Variants in SPIDR observed in about 807,000 individuals in gnomAD.
SPIDR encodes the protein scaffold protein involved in DNA repair.
Under a neutral mutation model 104.6 loss-of-function variants are expected in SPIDR, and 93 were observed. The observed-to-expected ratio is 0.89, with a 90% CI of 0.75 to 1.06. The LOEUF (loss-of-function observed/expected upper bound fraction) is 1.06, where lower values mean the gene tolerates loss of function less well. Among genes scored for constraint, SPIDR ranks in the 50% least tolerant of loss-of-function variants. The probability of loss-of-function intolerance (pLI) is 0.00; values close to 1 mark genes in which losing one functional copy is unlikely to be tolerated. For missense variants in SPIDR, 1,154 were observed against 1,111.2 expected, an observed-to-expected ratio of 1.04 and a Z score of -0.55; for synonymous variants, 431 against 416.9, an observed-to-expected ratio of 1.03 and a Z score of -0.41.
chr8:47,651,502 G>A (rs2071622527), intron 10 of SPIDR, among the ~76,000 whole-genome samples: 2 of 152,178 alleles, frequency 1.3e-5, no homozygotes, highest in South Asian at 2.1e-4. Context: ...GTACTGGTGG[G>A]AATGTAAATT....
At chr8:47,467,913 A>G (rs555962060) in intron 8 of SPIDR, among the ~76,000 whole-genome samples, 6 of 152,350 alleles carry the variant, frequency 3.9e-5, no homozygotes, top group East Asian at 1.9e-4. Context: ...GAGGAAATCA[A>G]ATTATTCCTG....
chr8:47,731,927 T>C (rs148679604), intron 19 of SPIDR, among the ~76,000 whole-genome samples: 1,734 of 152,330 alleles, frequency 0.011, 45 homozygotes, highest in African/African-American at 0.039. Flanking sequence ...TGAGAACGCA[T>C]GATAAAACGA....
chr8:47,731,756 G>A (rs1016087821), intron 19 of SPIDR, among the ~76,000 whole-genome samples: 2 of 152,198 alleles, frequency 1.3e-5, no homozygotes, highest in Non-Finnish European at 2.9e-5. Flanking sequence ...AGTCCTGGGG[G>A]TAGGGAGGAA....
intron 8 of SPIDR, among the ~76,000 whole-genome samples, chr8:47,576,216 A>G (rs577043872): frequency 1.3e-4 from 19 of 151,516 alleles, no homozygotes; most frequent in Admixed American, 3.3e-4. Flanking sequence ...CAATGGCACA[A>G]TTTCAGCTCA....
intron 8 of SPIDR, among the ~76,000 whole-genome samples, chr8:47,453,529 A>G (rs562221712): frequency 7.2e-5 from 11 of 152,328 alleles, no homozygotes; most frequent in African/African-American, 1.2e-4. Context: ...ATACAGACCA[A>G]TGGAACAGAA....
intron 8 of SPIDR, among the ~76,000 whole-genome samples, chr8:47,532,385 A>G (rs920835494): frequency 6.6e-6 from 1 of 152,210 alleles, no homozygotes; most frequent in Non-Finnish European, 1.5e-5. Context: ...GGATTTAAAC[A>G]AAAATAAAAC....
chr8:47,614,108 A>T (rs2063949571), intron 10 of SPIDR, among the ~76,000 whole-genome samples: 1 of 152,092 alleles, frequency 6.6e-6, no homozygotes, highest in Non-Finnish European at 1.5e-5. Context: ...CTTGTAAGTG[A>T]GAACATGTAG....
At chr8:47,568,606 C>A (rs1384559330) in intron 8 of SPIDR, among the ~76,000 whole-genome samples, 1 of 152,170 alleles carries the variant, frequency 6.6e-6, no homozygotes, top group Non-Finnish European at 1.5e-5. Flanking sequence ...AACCTCATGG[C>A]AGGCAGCTGT....
chr8:47,476,555 A>G (rs1554723915), intron 8 of SPIDR, among the ~76,000 whole-genome samples: 3 of 151,956 alleles, frequency 2.0e-5, no homozygotes, highest in Admixed American at 1.3e-4. Context: ...GTTCCTCCTG[A>G]GACACACCTT....
chr8:47,430,332 T>C (rs1202401732), intron 7 of SPIDR, among the ~76,000 whole-genome samples: 1 of 152,238 alleles, frequency 6.6e-6, no homozygotes, highest in Non-Finnish European at 1.5e-5. Flanking sequence ...CCATGCTCCA[T>C]TTGGACATGC....
chr8:47,399,019 A>G (rs191375155), intron 6 of SPIDR, among the ~76,000 whole-genome samples: 3 of 152,364 alleles, frequency 2.0e-5, no homozygotes, highest in Admixed American at 1.3e-4. Flanking sequence ...GAGAATGGAA[A>G]GAGAGAAACT....
At chr8:47,445,274 CAG>C (rs2070346726) in intron 8 of SPIDR, among the ~76,000 whole-genome samples, 4 of 152,302 alleles carry the variant, frequency 2.6e-5, no homozygotes, top group Middle Eastern at 3.4e-3. Flanking sequence ...CCCAGTATTT[CAG>C]AGTTTTCATA....
rs1031466150 is a variant in SPIDR at position 47,620,488 on chromosome 8, G to A, written c.1544+21292G>A. On this transcript the variant is annotated intron_variant, in intron 10 of 19. Transcript: ENST00000297423. ...TCGCCATGTTGGCCAGGCTGGTCTC[G>A]AACTCCTGACCCCAGGTGATCCACC... Among the ~76,000 whole-genome samples the A allele has an allele frequency of 5.7e-4, 86 of 151,046 alleles. 1 individual carries two copies. The highest frequency in any genetic ancestry group is 1.9e-3 in the African/African-American group (78 of 41,142).
intron 7 of SPIDR, among the ~76,000 whole-genome samples, chr8:47,439,216 G>T (rs549671935): frequency 1.3e-5 from 2 of 151,886 alleles, no homozygotes; most frequent in Non-Finnish European, 2.9e-5. Context: ...AAACCCTCTG[G>T]GTTCCCCTCC....
chr8:47,431,274 C>A (rs879951788), intron 7 of SPIDR, among the ~76,000 whole-genome samples: 1 of 152,164 alleles, frequency 6.6e-6, no homozygotes, highest in African/African-American at 2.4e-5. Context: ...CCTCATTTAA[C>A]CTCAATTACT....
At chr8:47,580,492 A>C (rs1213391040) in intron 8 of SPIDR, among the ~76,000 whole-genome samples, 1 of 152,206 alleles carries the variant, frequency 6.6e-6, no homozygotes, top group Non-Finnish European at 1.5e-5. Flanking sequence ...TCACAAAGAC[A>C]TTAAATTTGT....
intron 8 of SPIDR, among the ~76,000 whole-genome samples, chr8:47,519,931 G>T: frequency 6.6e-6 from 1 of 152,114 alleles, no homozygotes; most frequent in East Asian, 1.9e-4. Flanking sequence ...AACCGAATTA[G>T]TCAATGAGCA....
intron 5 of SPIDR, among the ~76,000 whole-genome samples, chr8:47,344,794 T>C (rs1255173553): frequency 6.6e-6 from 1 of 152,244 alleles, no homozygotes; most frequent in East Asian, 1.9e-4. Flanking sequence ...TCATGTCCTT[T>C]GCCCACTTTT....
intron 8 of SPIDR, among the ~76,000 whole-genome samples, chr8:47,559,916 T>C (rs190736562): frequency 1.3e-5 from 2 of 152,340 alleles, no homozygotes. Flanking sequence ...AAAGACGACC[T>C]GCTGATAAGA....
Sources: gnomAD v4.1 joint callset for allele counts (sites outside exome capture counted in the v4.1 genomes callset) on GRCh38, gnomAD v4.1.1 for gene constraint, MANE v1.5 for transcripts, NCBI Gene and HGNC (gene_info 2026-07-23, HGNC 2026-07-21) for gene names.